MYCBP2: variants seen among roughly 807,000 people sequenced by gnomAD.
MYCBP2 encodes the protein E3 ubiquitin-protein ligase MYCBP2.
A neutral mutation model predicts 525.3 loss-of-function variants in MYCBP2; 120 were observed. That is an observed-to-expected ratio of 0.23 (90% CI 0.20 to 0.27). The LOEUF (loss-of-function observed/expected upper bound fraction) is 0.27. Ranked by LOEUF, MYCBP2 falls within the 10% of genes least tolerant of loss-of-function variation. The pLI is 1.00. For missense variants in MYCBP2, 4,149 were observed against 5,657.1 expected (o/e 0.73, Z 8.55); for synonymous variants, 1,894 against 1,955.8 (o/e 0.97, Z 0.83).
chr13:77,206,926 T>G (rs868754195), intron 23 of MYCBP2, 101 bp from the exon 24 acceptor site: 1 of 1,078,592 alleles, frequency 9.3e-7, no homozygotes, highest in African/African-American at 1.6e-5. Context: ...AATAATATAG[T>G]CAGCTTAAAG....
At chr13:77,220,319 C>T (rs1341755414) in intron 20 of MYCBP2, among the ~76,000 whole-genome samples, 2 of 152,018 alleles carry the variant, frequency 1.3e-5, no homozygotes, top group African/African-American at 4.8e-5. Context: ...AGGGCTGCAT[C>T]ACAGAAGAAG....
At chr13:77,316,576 T>C (rs2080966109) in intron 1 of MYCBP2, among the ~76,000 whole-genome samples, 1 of 152,236 alleles carries the variant, frequency 6.6e-6, no homozygotes, top group Non-Finnish European at 1.5e-5. Context: ...AAATAAGGCA[T>C]GGAAAAAGTT....
intron 17 of MYCBP2, among the ~76,000 whole-genome samples, chr13:77,234,098 A>C (rs1487314488): frequency 1.3e-5 from 2 of 151,998 alleles, no homozygotes; most frequent in Non-Finnish European, 2.9e-5. Flanking sequence ...AATTTATTTT[A>C]ATAAAATAAA....
At chr13:77,314,690 G>A (rs1415379702) in intron 1 of MYCBP2, among the ~76,000 whole-genome samples, 2 of 152,126 alleles carry the variant, frequency 1.3e-5, no homozygotes, top group African/African-American at 4.8e-5. Flanking sequence ...ATAAATACAT[G>A]TCATTATACA....
chr13:77,175,470 G>A (rs963667757), intron 36 of MYCBP2, among the ~76,000 whole-genome samples: 1 of 152,120 alleles, frequency 6.6e-6, no homozygotes, highest in African/African-American at 2.4e-5. Context: ...TATGACCCAT[G>A]ATATAAATTT....
intron 13 of MYCBP2, among the ~76,000 whole-genome samples, chr13:77,258,434 T>C (rs1242807996): frequency 2.6e-5 from 4 of 152,154 alleles, no homozygotes; most frequent in South Asian, 2.1e-4. Context: ...CAACTCTAAA[T>C]TGATTGAAGC....
At chr13:77,228,318 C>T (rs2066603127) in intron 18 of MYCBP2, among the ~76,000 whole-genome samples, 2 of 152,010 alleles carry the variant, frequency 1.3e-5, no homozygotes, top group South Asian at 4.2e-4. Context: ...CCAGCCTGGG[C>T]AACATGGTAA....
intron 26 of MYCBP2, among the ~76,000 whole-genome samples, chr13:77,200,226 C>A (rs941950553): frequency 4.0e-5 from 6 of 151,878 alleles, no homozygotes; most frequent in African/African-American, 1.5e-4. Context: ...AACCAAGGCT[C>A]GAGAACTACG....
chr13:77,061,007 T>C (rs949800976), intron 76 of MYCBP2, among the ~76,000 whole-genome samples, 162 bp downstream of exon 76: 1 of 152,212 alleles, frequency 6.6e-6, no homozygotes, highest in African/African-American at 2.4e-5. Flanking sequence ...TAATGCTCTC[T>C]TCACCATAGA....
chr13:77,132,934 C>A (rs1186585026), intron 52 of MYCBP2, among the ~76,000 whole-genome samples: 1 of 152,120 alleles, frequency 6.6e-6, no homozygotes, highest in Non-Finnish European at 1.5e-5. Context: ...TAAAATCAAT[C>A]AATGTTCCCC....
intron 17 of MYCBP2, among the ~76,000 whole-genome samples, chr13:77,240,030 A>C (rs1383718987): frequency 1.3e-5 from 2 of 152,204 alleles, no homozygotes; most frequent in African/African-American, 4.8e-5. Context: ...AGCATTGTTA[A>C]TATTTTGGTA....
rs200361515 is a variant in MYCBP2 at position 77,180,322 on chromosome 13, C to T, written c.4942-4G>A. On this transcript the variant is annotated splice_region_variant and splice_polypyrimidine_tract_variant and intron_variant, in intron 33 of 82. Transcript: ENST00000544440. The stretch of plus-strand genomic sequence containing the variant: ...TCCCTGAGATATTCTCTTCACTCTG[C>T]GATACATAAGAAAAAGTTCTAAGGT... The T allele has an allele frequency of 7.7e-4, 1,239 of 1,612,654 alleles. 1 individual carries two copies. Among genetic ancestry groups the T allele is most frequent in the Non-Finnish European group, 9.7e-4 (1,143 of 1,179,126 alleles).
At chr13:77,134,669 A>T (rs1396137910) in intron 52 of MYCBP2, among the ~76,000 whole-genome samples, 1 of 152,202 alleles carries the variant, frequency 6.6e-6, no homozygotes, top group Non-Finnish European at 1.5e-5. Context: ...TGAACCCTTC[A>T]TCTATTTAGC....
In MYCBP2 at chr13:77,098,360, C is replaced by T; in HGVS notation, c.8794G>A (p.Val2932Met). ...HVVQENLHSE[V>M]VEVCTSSTLK... ...GTACTTGAGGTGCAGACTTCGACCA[C>T]CTCACTGTGGAGGTTTTCCTGTACC... Residue 2932 changes from valine (V) to methionine (M), a missense_variant, in exon 56 of 83, where the codon GTG becomes ATG. Val to Met is a conservative substitution (Grantham distance 21). Coordinates refer to ENST00000544440, the MANE Select transcript of MYCBP2 (RefSeq NM_015057.5). The T allele has an allele frequency of 6.2e-7, 1 of 1,613,094 alleles. No individual in the cohort carries two copies. The highest frequency in any genetic ancestry group is 8.5e-7 in the Non-Finnish European group (1 of 1,179,802).
At chr13:77,111,328 G>A (rs974601027) in intron 55 of MYCBP2, among the ~76,000 whole-genome samples, 1 of 151,824 alleles carries the variant, frequency 6.6e-6, no homozygotes, top group African/African-American at 2.4e-5. Context: ...TTAAAAGGTG[G>A]TTTTGTGTTT....
At chr13:77,272,110 G>T (rs1009299019) in intron 5 of MYCBP2, among the ~76,000 whole-genome samples, 1 of 152,176 alleles carries the variant, frequency 6.6e-6, no homozygotes, top group African/African-American at 2.4e-5. Flanking sequence ...CTCGAGTCCT[G>T]TCTCTGTTAT....
At position 77,291,903 on chromosome 13, in the gene MYCBP2, G is replaced by A. The variant is rs556135161; in HGVS notation, c.379-3527C>T. 1.7e-4 allele frequency among the ~76,000 whole-genome samples: 26 copies of A among 152,336 alleles called. 1 individual carries two copies. The highest frequency in any genetic ancestry group is 6.3e-4 in the African/African-American group (26 of 41,576). On this transcript the variant is annotated intron_variant, in intron 2 of 82. Coordinates refer to ENST00000544440, the MANE Select transcript of MYCBP2 (RefSeq NM_015057.5). ...TGATTGACCCTTGGCTAACCTTTGG[G>A]AATGTGGATGTTTAGAGTTTTCTTT...
At chr13:77,308,791 T>G (rs2079781917) in intron 1 of MYCBP2, among the ~76,000 whole-genome samples, 1 of 152,220 alleles carries the variant, frequency 6.6e-6, no homozygotes, top group African/African-American at 2.4e-5. Flanking sequence ...GATGGGGAAC[T>G]AGGGCCTGAA....
chr13:77,254,296 C>T (rs1374285692), intron 14 of MYCBP2, among the ~76,000 whole-genome samples: 4 of 151,298 alleles, frequency 2.6e-5, no homozygotes, highest in African/African-American at 7.3e-5. Flanking sequence ...AAGTCATGAT[C>T]GCGGTTAGCT....
Sources: allele counts gnomAD v4.1 joint callset (sites outside exome capture counted in the v4.1 genomes callset), GRCh38; gene constraint gnomAD v4.1.1; transcripts MANE v1.5; gene names NCBI Gene and HGNC (gene_info 2026-07-23, HGNC 2026-07-21).